CNTNAP2: variants seen among roughly 807,000 people sequenced by gnomAD.
CNTNAP2 encodes the protein contactin-associated protein-like 2.
Under a neutral mutation model 155.2 loss-of-function variants are expected in CNTNAP2, and 98 were observed. The ratio of observed to expected loss-of-function variants is 0.63; its 90% CI spans 0.54 to 0.75. The LOEUF (loss-of-function observed/expected upper bound fraction) is 0.75. CNTNAP2 is among the 30% of genes least tolerant of loss of function. CNTNAP2 has a pLI of 0.00. For synonymous variants in CNTNAP2, 651 were observed against 631.2 expected (o/e 1.03, Z -0.47); for missense variants, 1,727 against 1,688.1 (o/e 1.02, Z -0.40).
chr7:146,595,394 A>T (rs1433839480), intron 1 of CNTNAP2, among the ~76,000 whole-genome samples: 1 of 152,070 alleles, frequency 6.6e-6, no homozygotes, highest in South Asian at 2.1e-4. Context: ...ATATAATAGT[A>T]TGAATACATG....
Position 147,709,603 on chromosome 7 carries a change from TC to T in CNTNAP2, c.2098+70299del, listed in dbSNP as rs1796373141. Among the ~76,000 whole-genome samples, 3 of 152,116 alleles carry T rather than the reference TC, an allele frequency of 2.0e-5. No individual in the cohort carries two copies. In the South Asian group the frequency reaches 6.2e-4, roughly 32 times the overall value. Reference sequence around the variant, plus strand: ...GACACCTCATCTAACTTTCTAGTAGTCCTCTATAAACACTGTTCCTCTGGAC... The same window carrying T: ...GACACCTCATCTAACTTTCTAGTAGTCTCTATAAACACTGTTCCTCTGGAC... On this transcript the variant is annotated intron_variant, in intron 13 of 23. Coordinates refer to ENST00000361727, the MANE Select transcript of CNTNAP2 (RefSeq NM_014141.6).
chr7:147,420,295 AT>A (rs1797267986), intron 10 of CNTNAP2, among the ~76,000 whole-genome samples: 1 of 152,200 alleles, frequency 6.6e-6, no homozygotes, highest in African/African-American at 2.4e-5. Context: ...ATTAGGTATA[AT>A]TTTTAAAGTA....
intron 18 of CNTNAP2, among the ~76,000 whole-genome samples, chr7:148,183,633 T>C (rs1795073856): frequency 6.6e-6 from 1 of 151,860 alleles, no homozygotes; most frequent in Non-Finnish European, 1.5e-5. Flanking sequence ...AGGCATGTGC[T>C]ACCATACCCT....
chr7:146,501,974 A>G (rs1266786748), intron 1 of CNTNAP2, among the ~76,000 whole-genome samples: 1 of 151,912 alleles, frequency 6.6e-6, no homozygotes, highest in Non-Finnish European at 1.5e-5. Context: ...TTGTGTACCC[A>G]TTAACCAACC....
chr7:147,402,117 G>A (rs1260722784), intron 10 of CNTNAP2, among the ~76,000 whole-genome samples: 1 of 152,200 alleles, frequency 6.6e-6, no homozygotes, highest in Non-Finnish European at 1.5e-5. Context: ...TTTTGGTACT[G>A]TAATCACTCC....
chr7:146,252,798 G>A (rs1163818589), intron 1 of CNTNAP2, among the ~76,000 whole-genome samples: 2 of 152,144 alleles, frequency 1.3e-5, no homozygotes, highest in Non-Finnish European at 2.9e-5. Flanking sequence ...AGTGTCAACG[G>A]GATAGACACA....
chr7:148,312,563 G>A (rs190796628), intron 21 of CNTNAP2, among the ~76,000 whole-genome samples: 1 of 152,270 alleles, frequency 6.6e-6, no homozygotes, highest in East Asian at 1.9e-4. Context: ...ATGGGTTGTG[G>A]AGGGAAGTAT....
chr7:147,757,563 A>G (rs10262422), intron 13 of CNTNAP2, among the ~76,000 whole-genome samples: 41,231 of 152,008 alleles, frequency 0.27, 6,307 homozygotes, highest in Middle Eastern at 0.4. Context: ...TAAATAAAAT[A>G]AAAAACTAAT....
chr7:147,598,332 T>C (rs1800869728), intron 12 of CNTNAP2, among the ~76,000 whole-genome samples: 1 of 152,074 alleles, frequency 6.6e-6, no homozygotes, highest in South Asian at 2.1e-4. Flanking sequence ...TCTCTCCCCT[T>C]GCCCCCGACC....
intron 13 of CNTNAP2, among the ~76,000 whole-genome samples, chr7:147,732,045 T>A (rs186805252): frequency 7.6e-4 from 115 of 152,192 alleles, no homozygotes; most frequent in Admixed American, 2.7e-3. Flanking sequence ...TTTCTTTTTT[T>A]TTATTATTAT....
intron 13 of CNTNAP2, among the ~76,000 whole-genome samples, chr7:147,645,758 A>T (rs1385192857): frequency 6.6e-6 from 1 of 152,180 alleles, no homozygotes; most frequent in Non-Finnish European, 1.5e-5. Flanking sequence ...TATGGGAAAG[A>T]TTCATATGAG....
At chr7:148,404,985 G>C (rs2116705905) in intron 22 of CNTNAP2, among the ~76,000 whole-genome samples, 1 of 152,246 alleles carries the variant, frequency 6.6e-6, no homozygotes, top group African/African-American at 2.4e-5. Flanking sequence ...GGGTTTTTAT[G>C]GTTACAGGAC....
chr7:147,982,825 CTGGCCAACA>C lies in CNTNAP2; in HGVS notation c.2383+4840_2383+4848del, dbSNP rs1343752479. Among the ~76,000 whole-genome samples the C allele has an allele frequency of 1.0e-3, 155 of 152,090 alleles. 2 individuals are homozygous for C. The highest frequency in any genetic ancestry group is 3.5e-3 in the African/African-American group (144 of 41,494). On this transcript the variant is annotated intron_variant, in intron 15 of 23. Coordinates refer to ENST00000361727, the MANE Select transcript of CNTNAP2 (RefSeq NM_014141.6). ...TTGAGGTCAGGAGTTCGAGGACAGC[CTGGCCAACA>C]TGGTGAAGCCCTGTCTCTAATAAAA...
chr7:146,185,260 C>T (rs1257244923), intron 1 of CNTNAP2, among the ~76,000 whole-genome samples: 5 of 152,012 alleles, frequency 3.3e-5, no homozygotes, highest in East Asian at 3.9e-4. Context: ...CTTTTTAGTG[C>T]GATGGCTGGG....
At chr7:146,599,826 C>G (rs549702289) in intron 1 of CNTNAP2, among the ~76,000 whole-genome samples, 70 of 117,946 alleles carry the variant, frequency 5.9e-4, no homozygotes, top group African/African-American at 2.5e-3. Flanking sequence ...CTTACAATGC[C>G]TAGAATATAA....
chr7:146,368,956 AAT>A (rs1795193093), intron 1 of CNTNAP2, among the ~76,000 whole-genome samples: 1 of 149,438 alleles, frequency 6.7e-6, no homozygotes, highest in Admixed American at 6.7e-5. Flanking sequence ...AAAAGCTTGA[AAT>A]TAAACATAGT....
intron 4 of CNTNAP2, among the ~76,000 whole-genome samples, chr7:147,077,415 A>G (rs1414532989): frequency 6.6e-6 from 1 of 152,154 alleles, no homozygotes; most frequent in Admixed American, 6.5e-5. Flanking sequence ...TGCATGTATG[A>G]TTCAACTTCA....
chr7:148,270,924 T>C (rs867093852), intron 21 of CNTNAP2, among the ~76,000 whole-genome samples: 56 of 152,324 alleles, frequency 3.7e-4, no homozygotes, highest in African/African-American at 1.3e-3. Flanking sequence ...ACTTGCAGGT[T>C]GTTAACTCCC....
intron 1 of CNTNAP2, among the ~76,000 whole-genome samples, chr7:146,770,615 T>C (rs1305056998): frequency 6.6e-6 from 1 of 151,914 alleles, no homozygotes; most frequent in Non-Finnish European, 1.5e-5. Context: ...CTAATTATTG[T>C]TATTCTGAAT....
Sources: gnomAD v4.1 joint callset for allele counts (sites outside exome capture counted in the v4.1 genomes callset) on GRCh38, gnomAD v4.1.1 for gene constraint, MANE v1.5 for transcripts, NCBI Gene and HGNC (gene_info 2026-07-23, HGNC 2026-07-21) for gene names.